Variants in XKR6 observed in about 807,000 individuals in gnomAD.
XKR6 encodes the protein XK-related protein 6.
Under a neutral mutation model 56.7 loss-of-function variants are expected in XKR6, and 22 were observed. The ratio of observed to expected loss-of-function variants is 0.39; its 90% CI spans 0.28 to 0.55. The LOEUF (loss-of-function observed/expected upper bound fraction) is 0.55. Among genes scored for constraint, XKR6 ranks in the 20% least tolerant of loss-of-function variants. XKR6 has a pLI of 0.66. For missense variants in XKR6, 852 were observed against 889.0 expected, an observed-to-expected ratio of 0.96 and a Z score of 0.53; for synonymous variants, 524 against 387.8, an observed-to-expected ratio of 1.35 and a Z score of -4.13.
At chr8:10,937,800 T>C (rs1801257646) in intron 1 of XKR6, among the ~76,000 whole-genome samples, 1 of 151,730 alleles carries the variant, frequency 6.6e-6, no homozygotes, top group African/African-American at 2.4e-5. Flanking sequence ...ACTGCTCTCT[T>C]CAAAGCTGTC....
chr8:10,911,488 T>TATATAG (rs1554508187), intron 2 of XKR6, among the ~76,000 whole-genome samples: 5 of 146,840 alleles, frequency 3.4e-5, no homozygotes, highest in African/African-American at 1.3e-4. Flanking sequence ...TATATATATA[T>TATATAG]AGAGAGAGAG....
intron 1 of XKR6, among the ~76,000 whole-genome samples, chr8:11,027,061 C>T (rs142024458): frequency 4.3e-4 from 65 of 152,278 alleles, no homozygotes; most frequent in East Asian, 7.7e-4. Context: ...CTACTACACA[C>T]GTAGATGGCG....
intron 1 of XKR6, among the ~76,000 whole-genome samples, chr8:11,008,622 C>T (rs1798428697): frequency 6.6e-6 from 1 of 151,974 alleles, no homozygotes; most frequent in Non-Finnish European, 1.5e-5. Context: ...ACCCCATTAC[C>T]CAGGTTGGGC....
chr8:11,196,684 C>T (rs1031910493), intron 1 of XKR6, among the ~76,000 whole-genome samples: 9 of 152,352 alleles, frequency 5.9e-5, no homozygotes, highest in East Asian at 1.9e-4. Flanking sequence ...AGTTCTCAAG[C>T]GTGGGGTTCC....
At chr8:10,959,649 C>G (rs12678901) in intron 1 of XKR6, among the ~76,000 whole-genome samples, 2 of 152,126 alleles carry the variant, frequency 1.3e-5, no homozygotes, top group Non-Finnish European at 2.9e-5. Context: ...CCTTCATGAC[C>G]TCATGTAAAC....
At chr8:11,174,680 T>C (rs1159535947) in intron 1 of XKR6, among the ~76,000 whole-genome samples, 2 of 152,284 alleles carry the variant, frequency 1.3e-5, no homozygotes, top group Non-Finnish European at 2.9e-5. Flanking sequence ...TCTGGTTACT[T>C]ACCAACCACC....
chr8:10,903,530 G>A (rs1345993999), intron 2 of XKR6, among the ~76,000 whole-genome samples: 1 of 152,144 alleles, frequency 6.6e-6, no homozygotes. Context: ...TCCATATGCT[G>A]AAGCTCTAAC....
intron 2 of XKR6, among the ~76,000 whole-genome samples, chr8:10,921,480 C>T (rs904091241): frequency 6.6e-6 from 1 of 152,190 alleles, no homozygotes; most frequent in African/African-American, 2.4e-5. Context: ...ATAAACACAG[C>T]CCCTTATGTG....
At chr8:10,960,354 A>T (rs114613267) in intron 1 of XKR6, among the ~76,000 whole-genome samples, 189 of 152,286 alleles carry the variant, frequency 1.2e-3, no homozygotes, top group African/African-American at 4.5e-3. Context: ...TTAACCCATA[A>T]ATATCAGGCA....
intron 1 of XKR6, among the ~76,000 whole-genome samples, chr8:11,160,337 A>G (rs1038210673): frequency 6.6e-6 from 1 of 152,144 alleles, no homozygotes; most frequent in African/African-American, 2.4e-5. Flanking sequence ...TGCAGCATAT[A>G]CAGATGATGG....
chr8:10,914,190 T>C (rs1218108386), intron 2 of XKR6, among the ~76,000 whole-genome samples: 1 of 151,988 alleles, frequency 6.6e-6, no homozygotes, highest in African/African-American at 2.4e-5. Context: ...CCCACTGCCG[T>C]AATCACTGTA....
chr8:11,025,843 C>T (rs1046700917), intron 1 of XKR6, among the ~76,000 whole-genome samples: 1 of 152,102 alleles, frequency 6.6e-6, no homozygotes, highest in East Asian at 1.9e-4. Context: ...ACAGCCATGC[C>T]TCCAGTATGG....
chr8:11,156,084 A>G (rs1038079540), intron 1 of XKR6, among the ~76,000 whole-genome samples: 23 of 152,162 alleles, frequency 1.5e-4, no homozygotes, highest in Non-Finnish European at 2.4e-4. Flanking sequence ...TCTTGTAAAG[A>G]TTTTGACTTT....
At chr8:11,009,205 T>C (rs1798444636) in intron 1 of XKR6, among the ~76,000 whole-genome samples, 1 of 152,118 alleles carries the variant, frequency 6.6e-6, no homozygotes, top group Non-Finnish European at 1.5e-5. Context: ...TCTTTCGCCC[T>C]CTCATTGAAA....
intron 1 of XKR6, among the ~76,000 whole-genome samples, chr8:10,928,964 C>T (rs1052179194): frequency 6.6e-6 from 1 of 152,224 alleles, no homozygotes; most frequent in East Asian, 1.9e-4. Context: ...AAAGCAGCAA[C>T]GCCACGTGTC....
intron 1 of XKR6, chr8:11,066,968 C>G (rs116227845): frequency 6.6e-6 from 1 of 152,290 alleles, no homozygotes; most frequent in Non-Finnish European, 1.5e-5. Flanking sequence ...CTGCATCGTG[C>G]GAGATGGGTC....
chr8:11,122,550 G>C (rs1799508668), intron 1 of XKR6, among the ~76,000 whole-genome samples: 1 of 152,124 alleles, frequency 6.6e-6, no homozygotes, highest in Admixed American at 6.5e-5. Context: ...AGCAGTGGCA[G>C]GTATAAGATT....
intron 1 of XKR6, among the ~76,000 whole-genome samples, chr8:11,030,998 A>G (rs1358862792): frequency 1.3e-5 from 2 of 152,226 alleles, no homozygotes; most frequent in Non-Finnish European, 2.9e-5. Context: ...TAAAAGGCAG[A>G]GTTGGTAGAG....
intron 1 of XKR6, among the ~76,000 whole-genome samples, chr8:10,967,352 C>T (rs1486223214): frequency 2.0e-5 from 3 of 152,182 alleles, no homozygotes; most frequent in Non-Finnish European, 4.4e-5. Flanking sequence ...GAAACTCCCA[C>T]ACCTCCCAGA....
Sources: gnomAD v4.1 joint callset for allele counts (sites outside exome capture counted in the v4.1 genomes callset) on GRCh38, gnomAD v4.1.1 for gene constraint, MANE v1.5 for transcripts, NCBI Gene and HGNC (gene_info 2026-07-23, HGNC 2026-07-21) for gene names.